Variants in VPS13C observed in about 807,000 individuals in gnomAD.
VPS13C encodes vacuolar protein sorting 13 homolog C, also known as intermembrane lipid transfer protein VPS13C.
VPS13C carries 358 observed loss-of-function variants against 456.8 expected under a neutral mutation model. The ratio of observed to expected loss-of-function variants is 0.78; its 90% CI spans 0.72 to 0.86. The LOEUF (loss-of-function observed/expected upper bound fraction) is 0.86. VPS13C is among the 40% of genes least tolerant of loss of function. The pLI is 0.00. For missense variants in VPS13C, 4,818 were observed against 4,385.4 expected (o/e 1.10, Z -2.79); for synonymous variants, 1,578 against 1,486.7 (o/e 1.06, Z -1.41).
intron 34 of VPS13C, among the ~76,000 whole-genome samples, 162 bp from the exon 35 acceptor site, chr15:61,962,055 T>C (rs1003128862): frequency 4.6e-5 from 7 of 152,180 alleles, no homozygotes; most frequent in Non-Finnish European, 4.4e-5. Flanking sequence ...GGATAATCCA[T>C]CTATAACTAT....
intron 38 of VPS13C, among the ~76,000 whole-genome samples, chr15:61,953,689 C>T: frequency 6.6e-6 from 1 of 152,146 alleles, no homozygotes; most frequent in Non-Finnish European, 1.5e-5. Flanking sequence ...AATAGTGCCG[C>T]AATAAACATA....
At chr15:61,963,134 T>C (rs374915059) in intron 32 of VPS13C, among the ~76,000 whole-genome samples, 2 of 152,246 alleles carry the variant, frequency 1.3e-5, no homozygotes, top group East Asian at 1.9e-4. Context: ...TTATACCTTA[T>C]ATCCAGTCAT....
chr15:61,880,851 T>C lies in VPS13C; in HGVS notation c.9880A>G (p.Arg3294Gly), dbSNP rs1895794598. Reference protein sequence around the residue: ...FTPTTDPEAERRRTKLIQQDI... With the variant: ...FTPTTDPEAEGRRTKLIQQDI... ...GAAATAAAAATTTTTACCCGTCTTCTTTCAGCTTCAGGGTCTGTTGTTGGG... is the reference window on the plus strand; with the variant it reads ...GAAATAAAAATTTTTACCCGTCTTCCTTCAGCTTCAGGGTCTGTTGTTGGG... The change falls in exon 72 of 85, where the codon AGA (arginine) becomes GGA (glycine). Residue 3294 changes from arginine (R) to glycine (G), a missense_variant. This residue lies in a region of VPS13C where 4,552 missense variants were observed against 4,130.6 expected (regional missense o/e 1.10). Coordinates refer to ENST00000644861, the MANE Select transcript of VPS13C (RefSeq NM_020821.3). The C allele has an allele frequency of 6.3e-7, 1 of 1,587,356 alleles. No individual in the cohort carries two copies. The highest frequency in any genetic ancestry group is 8.5e-7 in the Non-Finnish European group (1 of 1,172,892).
At chr15:62,038,759 G>A (rs913934337) in intron 3 of VPS13C, among the ~76,000 whole-genome samples, 11 of 151,470 alleles carry the variant, frequency 7.3e-5, no homozygotes, top group Non-Finnish European at 1.2e-4. Flanking sequence ...AACTGAACAA[G>A]AAAAAAACAA....
Position 61,890,288 on chromosome 15 carries a change from T to A in VPS13C, c.9218A>T (p.Lys3073Ile), listed in dbSNP as rs200938028. ...TTCCATTTCTTCTGCCTGCAGTGCT[T>A]TGGAAACCAAGGCAACATCATCGGT... ...LFTDDVALVS[K>I]ALQAEEMEQA... Residue 3073 changes from lysine (K) to isoleucine (I), a missense_variant, in exon 67 of 85, where the codon AAA becomes ATA. Lys to Ile is a moderately radical substitution (Grantham distance 102). Around this residue, in one of 3 missense-constraint regions of VPS13C, gnomAD observed 4,552 missense variants for 4,130.6 expected, o/e 1.10. Transcript: ENST00000644861. 6 of 1,613,984 alleles carry A rather than the reference T, an allele frequency of 3.7e-6. No homozygotes were observed. Among genetic ancestry groups the A allele is most frequent in the Non-Finnish European group, 4.2e-6 (5 of 1,180,026 alleles).
intron 27 of VPS13C, among the ~76,000 whole-genome samples, 168 bp downstream of exon 27, chr15:61,972,457 T>A (rs563073109): frequency 6.6e-5 from 10 of 152,202 alleles, no homozygotes; most frequent in East Asian, 1.9e-4. Flanking sequence ...TCTGTGTGTG[T>A]GAGAGAGAAA....
intron 61 of VPS13C, among the ~76,000 whole-genome samples, chr15:61,914,469 T>C (rs1435744675): frequency 6.6e-6 from 1 of 151,928 alleles, no homozygotes; most frequent in East Asian, 2.0e-4. Flanking sequence ...CTTGGGAGGT[T>C]GAGGCAGGAG....
Position 61,962,863 on chromosome 15 carries a change from G to C in VPS13C, c.3332-11C>G. 1.3e-6 allele frequency: 2 copies of C among 1,554,016 alleles called. No individual in the cohort carries two copies. The highest frequency in any genetic ancestry group is 1.8e-6 in the Non-Finnish European group (2 of 1,133,980). Reference sequence around the variant, plus strand: ...GGGAGGAATCCAGTCCTGAAAAAAAGAGTGTATTATTATAATTTCTACAGA... The same window carrying C: ...GGGAGGAATCCAGTCCTGAAAAAAACAGTGTATTATTATAATTTCTACAGA... On this transcript the variant is annotated splice_polypyrimidine_tract_variant and intron_variant, in intron 32 of 84. Transcript: ENST00000644861.
chr15:61,855,996 G>A (rs1416818447), intron 83 of VPS13C, among the ~76,000 whole-genome samples: 1 of 149,902 alleles, frequency 6.7e-6, no homozygotes, highest in African/African-American at 2.4e-5. Flanking sequence ...TCCATATGAA[G>A]TTAAAAAAAA....
At chr15:61,981,585 G>A (rs1007040658) in intron 21 of VPS13C, 107 bp from the exon 22 acceptor site, 2 of 1,205,720 alleles carry the variant, frequency 1.7e-6, no homozygotes, top group African/African-American at 1.6e-5. Flanking sequence ...TACAGGTCGG[G>A]TGCGGTGGCT....
chr15:61,952,086 C>A (rs2044819212), intron 38 of VPS13C, 106 bp from the exon 39 acceptor site: 2 of 1,291,922 alleles, frequency 1.5e-6, no homozygotes, highest in Admixed American at 2.2e-5. Flanking sequence ...GAAATTCACA[C>A]AATGTTAAGA....
At chr15:61,881,509 A>G (rs1895846516) in intron 71 of VPS13C, 54 bp downstream of exon 71, 8 of 1,495,630 alleles carry the variant, frequency 5.3e-6, no homozygotes, top group East Asian at 2.3e-5. Context: ...TTTATTTTCA[A>G]AGTAGATTCT....
At chr15:61,896,353 C>T (rs1349780951) in intron 66 of VPS13C, among the ~76,000 whole-genome samples, 1 of 152,310 alleles carries the variant, frequency 6.6e-6, no homozygotes, top group African/African-American at 2.4e-5. Flanking sequence ...GTTCATCTCA[C>T]TAGGGAGTGC....
intron 9 of VPS13C, among the ~76,000 whole-genome samples, chr15:62,016,050 T>C (rs1230980161): frequency 6.6e-6 from 1 of 151,050 alleles, no homozygotes; most frequent in Non-Finnish European, 1.5e-5. Flanking sequence ...GTTTCTGCTC[T>C]GTTCTTCAAT....
intron 74 of VPS13C, 69 bp downstream of exon 74, chr15:61,878,538 A>G: frequency 6.4e-7 from 1 of 1,551,846 alleles, no homozygotes. Flanking sequence ...GCACAAGTGG[A>G]GAGAATTAAT....
intron 27 of VPS13C, among the ~76,000 whole-genome samples, chr15:61,970,859 TAAAAAAAAA>T (rs71125959): frequency 6.4e-5 from 8 of 125,880 alleles, no homozygotes; most frequent in Middle Eastern, 3.8e-3. Context: ...GAAGTTAGTT[TAAAAAAAAA>T]AAAAAAAAAA....
At chr15:62,056,886 T>A (rs572942302) in intron 1 of VPS13C, among the ~76,000 whole-genome samples, 144 of 152,332 alleles carry the variant, frequency 9.5e-4, no homozygotes, top group Non-Finnish European at 1.6e-3. Flanking sequence ...GGGCCCCCTG[T>A]CCTGTGGACA....
intron 37 of VPS13C, among the ~76,000 whole-genome samples, chr15:61,954,916 T>C (rs2044934755): frequency 6.6e-6 from 1 of 152,108 alleles, no homozygotes; most frequent in Non-Finnish European, 1.5e-5. Flanking sequence ...GAGACATTAC[T>C]AGAAAGGAGC....
rs773802637 is a variant in VPS13C, at chr15:61,915,895, C to T, written c.8183G>A (p.Arg2728His). Reference protein sequence around the residue: ...YQGKNWNGHFRIRDTLPEFFP... With the variant: ...YQGKNWNGHFHIRDTLPEFFP... ...GAATTCTGGTAGTGTATCACGTATG[C>T]GGAAATGTCCATTCCAGTTTTTGCC... Residue 2728 changes from arginine (R) to histidine (H), a missense_variant, in exon 61 of 85, where the codon CGC (arginine) becomes CAC (histidine). This residue lies in a region of VPS13C where 4,552 missense variants were observed against 4,130.6 expected (regional missense o/e 1.10). Transcript: ENST00000644861. 4 of 1,613,718 alleles carry T rather than the reference C, an allele frequency of 2.5e-6. No homozygotes were observed. Among genetic ancestry groups the T allele is most frequent in the East Asian group, 2.2e-5 (1 of 44,874 alleles).
Sources: gnomAD v4.1 joint callset for allele counts (sites outside exome capture counted in the v4.1 genomes callset) on GRCh38, gnomAD v4.1.1 for gene constraint, gnomAD v4.1.1 regional missense constraint, MANE v1.5 for transcripts, NCBI Gene and HGNC (gene_info 2026-07-23, HGNC 2026-07-21) for gene names.